The following EXOC4 variants were observed in gnomAD, a reference collection of about 807,000 sequenced individuals.
The protein encoded by EXOC4 is exocyst complex component 4, also known as SEC8-like 1.
EXOC4 carries 71 observed loss-of-function variants against 107.2 expected under a neutral mutation model. The ratio of observed to expected loss-of-function variants is 0.66; its 90% CI spans 0.55 to 0.81. The LOEUF (loss-of-function observed/expected upper bound fraction) is 0.81, where lower values mean the gene tolerates loss of function less well. EXOC4 is among the 30% of genes least tolerant of loss of function. EXOC4 has a pLI of 0.00. For missense variants in EXOC4, 1,108 were observed against 1,189.6 expected, an observed-to-expected ratio of 0.93 and a Z score of 1.01; for synonymous variants, 456 against 441.2, an observed-to-expected ratio of 1.03 and a Z score of -0.42.
At chr7:133,752,542 A>G (rs529072249) in intron 10 of EXOC4, among the ~76,000 whole-genome samples, 17 of 152,330 alleles carry the variant, frequency 1.1e-4, no homozygotes, top group African/African-American at 3.8e-4. Context: ...CCCTGTGCCA[A>G]CACCAGAATG....
chr7:133,793,739 G>T (rs1189850333), intron 10 of EXOC4, among the ~76,000 whole-genome samples: 1 of 152,120 alleles, frequency 6.6e-6, no homozygotes, highest in African/African-American at 2.4e-5. Context: ...CAGCTACCCA[G>T]GAGGCTGAGG....
chr7:133,278,820 T>C (rs552747611), intron 2 of EXOC4, among the ~76,000 whole-genome samples: 1 of 152,050 alleles, frequency 6.6e-6, no homozygotes, highest in Non-Finnish European at 1.5e-5. Context: ...CTAACATCTT[T>C]TTTTTACTAT....
intron 14 of EXOC4, among the ~76,000 whole-genome samples, chr7:133,956,609 T>A (rs1800825164): frequency 6.6e-6 from 1 of 152,166 alleles, no homozygotes; most frequent in Non-Finnish European, 1.5e-5. Context: ...TGGGGGCCTC[T>A]CTCCATGTGG....
chr7:133,818,439 T>G (rs1267797073), intron 11 of EXOC4, among the ~76,000 whole-genome samples: 1 of 152,228 alleles, frequency 6.6e-6, no homozygotes, highest in African/African-American at 2.4e-5. Flanking sequence ...CCTTTACATA[T>G]GTTTCCCTTG....
chr7:133,267,023 T>C (rs1417743402), intron 1 of EXOC4, among the ~76,000 whole-genome samples: 1 of 152,216 alleles, frequency 6.6e-6, no homozygotes, highest in South Asian at 2.1e-4. Flanking sequence ...CATAGTTGTC[T>C]TTTACATTTA....
intron 7 of EXOC4, among the ~76,000 whole-genome samples, chr7:133,451,496 A>T (rs1485889842): frequency 4.6e-5 from 2 of 43,708 alleles, no homozygotes; most frequent in African/African-American, 2.7e-4. Flanking sequence ...CTAATATTTT[A>T]TTTGTTAATA....
chr7:133,692,446 A>G (rs1794442358), intron 10 of EXOC4, among the ~76,000 whole-genome samples: 1 of 152,116 alleles, frequency 6.6e-6, no homozygotes, highest in Admixed American at 6.5e-5. Context: ...ACTCTTTAAC[A>G]CCACCTCCTG....
intron 5 of EXOC4, among the ~76,000 whole-genome samples, chr7:133,331,664 A>T (rs948406057): frequency 6.6e-6 from 1 of 151,746 alleles, no homozygotes; most frequent in Non-Finnish European, 1.5e-5. Flanking sequence ...ACGGGGTTTC[A>T]CCGTGTTAGC....
chr7:133,613,380 T>C (rs969546316), intron 9 of EXOC4, among the ~76,000 whole-genome samples: 1 of 152,136 alleles, frequency 6.6e-6, no homozygotes, highest in Non-Finnish European at 1.5e-5. Context: ...GCGTTGCGAG[T>C]GTTTGCTTAA....
At chr7:133,702,413 A>T (rs1302777310) in intron 10 of EXOC4, among the ~76,000 whole-genome samples, 1 of 50,902 alleles carries the variant, frequency 2.0e-5, no homozygotes, top group Non-Finnish European at 3.9e-5. Context: ...ATCACATTTC[A>T]CTACAACCTT....
In EXOC4 at chr7:133,916,716, G is replaced by C. The variant is rs573063344; in HGVS notation, c.1872-867G>C. Among the ~76,000 whole-genome samples, 24 of 152,252 alleles carry C rather than the reference G, an allele frequency of 1.6e-4. 1 individual carries two copies. In the South Asian group the frequency reaches 3.1e-3, roughly 20 times the overall value. ...ACTAAAAGAGATTCCTGCCTATGAT[G>C]GGGCAATCTCCTGGAGTCTTGGTCA... On this transcript the variant is annotated intron_variant, in intron 12 of 17. Transcript: ENST00000253861.
At chr7:133,650,211 T>C (rs1803106640) in intron 10 of EXOC4, among the ~76,000 whole-genome samples, 1 of 152,098 alleles carries the variant, frequency 6.6e-6, no homozygotes, top group African/African-American at 2.4e-5. Flanking sequence ...GTGTGTGAAA[T>C]GATTATGTGG....
chr7:133,830,205 C>G (rs1797780636), intron 11 of EXOC4, among the ~76,000 whole-genome samples: 1 of 152,170 alleles, frequency 6.6e-6, no homozygotes, highest in Non-Finnish European at 1.5e-5. Flanking sequence ...TTTTTTTCCA[C>G]AAACATTTCG....
At chr7:133,969,217 G>A (rs527850357) in intron 14 of EXOC4, among the ~76,000 whole-genome samples, 1 of 152,096 alleles carries the variant, frequency 6.6e-6, no homozygotes, top group African/African-American at 2.4e-5. Context: ...TCTCTAAACT[G>A]GTTATTCTAG....
chr7:133,897,164 G>A lies in EXOC4; in HGVS notation c.1871+1429G>A, dbSNP rs1277627330. Among the ~76,000 whole-genome samples, 4 of 151,878 alleles carry A rather than the reference G, an allele frequency of 2.6e-5. No individual in the cohort carries two copies. The South Asian group carries it at 6.2e-4, about 24-fold the overall frequency. Reference sequence around the variant, plus strand: ...AAGTGAGCAAGGAAGCAGTGTTTACGGAAGATGAATTTGGCAGAGGAATAC... The same window carrying A: ...AAGTGAGCAAGGAAGCAGTGTTTACAGAAGATGAATTTGGCAGAGGAATAC... On this transcript the variant is annotated intron_variant, in intron 12 of 17. Transcript: ENST00000253861.
chr7:133,792,480 A>G (rs1215518222), intron 10 of EXOC4, among the ~76,000 whole-genome samples: 3 of 136,630 alleles, frequency 2.2e-5, no homozygotes, highest in African/African-American at 5.6e-5. Context: ...TTGAGCCCGG[A>G]AGGTTGAGGC....
chr7:133,735,388 C>G (rs1795423388), intron 10 of EXOC4, among the ~76,000 whole-genome samples: 1 of 151,952 alleles, frequency 6.6e-6, no homozygotes, highest in African/African-American at 2.4e-5. Context: ...TTATAAACCT[C>G]TACTAGATGA....
At chr7:133,816,797 C>G (rs1797380194) in intron 10 of EXOC4, among the ~76,000 whole-genome samples, 1 of 152,152 alleles carries the variant, frequency 6.6e-6, no homozygotes, top group Non-Finnish European at 1.5e-5. Flanking sequence ...GCTTCTATGA[C>G]AATCTAATGT....
intron 10 of EXOC4, among the ~76,000 whole-genome samples, chr7:133,719,837 C>T (rs1346489722): frequency 6.6e-6 from 1 of 152,088 alleles, no homozygotes; most frequent in Admixed American, 6.6e-5. Context: ...ATTGCAGTGT[C>T]TTGTTCAACA....
Sources: gnomAD v4.1 joint callset for allele counts (sites outside exome capture counted in the v4.1 genomes callset) on GRCh38, gnomAD v4.1.1 for gene constraint, MANE v1.5 for transcripts, NCBI Gene and HGNC (gene_info 2026-07-23, HGNC 2026-07-21) for gene names.